DGKB: variants seen among roughly 807,000 people sequenced by gnomAD.
DGKB encodes 90 kDa diacylglycerol kinase.
In DGKB, 67 loss-of-function variants were observed where a neutral mutation model predicts 114.3. The observed-to-expected ratio is 0.59, with a 90% CI of 0.48 to 0.72. DGKB has a LOEUF of 0.72. DGKB is among the 30% of genes least tolerant of loss of function. The pLI is 0.00. For synonymous variants in DGKB, 398 were observed against 323.1 expected (o/e 1.23, Z -2.49); for missense variants, 907 against 975.2 (o/e 0.93, Z 0.93).
At chr7:14,495,865 G>A (rs1563322874) in intron 20 of DGKB, among the ~76,000 whole-genome samples, 1 of 151,738 alleles carries the variant, frequency 6.6e-6, no homozygotes, top group Non-Finnish European at 1.5e-5. Context: ...ATTATTGACA[G>A]AACATTCATT....
chr7:14,596,834 C>A (rs1438033249), intron 17 of DGKB, among the ~76,000 whole-genome samples: 1 of 152,104 alleles, frequency 6.6e-6, no homozygotes, highest in Non-Finnish European at 1.5e-5. Flanking sequence ...CCTCTCTATG[C>A]ATTACTACTG....
intron 21 of DGKB, among the ~76,000 whole-genome samples, chr7:14,389,645 A>G (rs906050804): frequency 1.3e-5 from 2 of 152,228 alleles, no homozygotes; most frequent in African/African-American, 4.8e-5. Context: ...TCTAAGCGAA[A>G]TCAATCAAAA....
At chr7:14,950,996 T>A (rs946677402) in intron 1 of DGKB, among the ~76,000 whole-genome samples, 6 of 151,894 alleles carry the variant, frequency 4.0e-5, no homozygotes, top group African/African-American at 1.5e-4. Flanking sequence ...AGAAAGCATA[T>A]AATCATGTCA....
intron 23 of DGKB, among the ~76,000 whole-genome samples, chr7:14,328,138 C>G (rs898204534): frequency 6.6e-6 from 1 of 152,040 alleles, no homozygotes; most frequent in African/African-American, 2.4e-5. Flanking sequence ...ACAGGATACT[C>G]TGAAAATTTG....
intron 1 of DGKB, among the ~76,000 whole-genome samples, chr7:14,972,978 A>C (rs2115313347): frequency 6.6e-6 from 1 of 152,176 alleles, no homozygotes; most frequent in African/African-American, 2.4e-5. Flanking sequence ...TGCTTGTATT[A>C]TATGATAAAA....
intron 21 of DGKB, among the ~76,000 whole-genome samples, chr7:14,417,141 T>G (rs1209639857): frequency 6.6e-6 from 1 of 152,138 alleles, no homozygotes; most frequent in Admixed American, 6.6e-5. Context: ...TTAAGTTCTC[T>G]GCACCCTGCT....
intron 21 of DGKB, among the ~76,000 whole-genome samples, chr7:14,401,641 A>G (rs1823118525): frequency 6.6e-6 from 1 of 151,894 alleles, no homozygotes; most frequent in Non-Finnish European, 1.5e-5. Context: ...TGTTAGGGGT[A>G]TCAGTGCTTC....
intron 20 of DGKB, among the ~76,000 whole-genome samples, chr7:14,515,319 G>C (rs1284852518): frequency 6.6e-6 from 1 of 152,044 alleles, no homozygotes; most frequent in Non-Finnish European, 1.5e-5. Flanking sequence ...GTGATTATTT[G>C]CCAGGAAAAC....
chr7:14,536,278 A>G (rs1792483877), intron 20 of DGKB, among the ~76,000 whole-genome samples: 1 of 152,170 alleles, frequency 6.6e-6, no homozygotes, highest in African/African-American at 2.4e-5. Context: ...TAGAAGGGAT[A>G]AGGAATACTT....
intron 17 of DGKB, among the ~76,000 whole-genome samples, chr7:14,592,943 G>A (rs76742740): frequency 0.019 from 2,867 of 151,952 alleles, 45 homozygotes; most frequent in Non-Finnish European, 0.027. Context: ...TTCGTTTAGA[G>A]TTTTGAGATA....
At chr7:14,727,347 G>T (rs1488846428) in intron 5 of DGKB, among the ~76,000 whole-genome samples, 1 of 152,038 alleles carries the variant, frequency 6.6e-6, no homozygotes, top group East Asian at 1.9e-4. Flanking sequence ...TCCCTTACTG[G>T]CAGTAATTAT....
chr7:14,220,246 A>C (rs1789707289), intron 23 of DGKB, among the ~76,000 whole-genome samples: 1 of 151,652 alleles, frequency 6.6e-6, no homozygotes, highest in South Asian at 2.1e-4. Flanking sequence ...TTATGGGACC[A>C]CCATTATATA....
chr7:14,563,604 G>A (rs769712049), intron 20 of DGKB, among the ~76,000 whole-genome samples: 2 of 132,954 alleles, frequency 1.5e-5, no homozygotes, highest in Non-Finnish European at 3.2e-5. Context: ...CTTTATAAGA[G>A]TTATTTTAAA....
chr7:14,267,555 C>G (rs957252372), intron 23 of DGKB, among the ~76,000 whole-genome samples: 23 of 151,042 alleles, frequency 1.5e-4, no homozygotes, highest in African/African-American at 4.6e-4. Flanking sequence ...GTGGTGCCAT[C>G]TCGGCTCACT....
chr7:14,664,340 G>T (rs1817662554), intron 13 of DGKB, among the ~76,000 whole-genome samples: 1 of 151,894 alleles, frequency 6.6e-6, no homozygotes, highest in Non-Finnish European at 1.5e-5. Context: ...TATTCACATT[G>T]CAGTCTCCTA....
intron 13 of DGKB, among the ~76,000 whole-genome samples, chr7:14,636,554 T>C (rs1265885608): frequency 6.6e-6 from 1 of 151,862 alleles, no homozygotes; most frequent in Non-Finnish European, 1.5e-5. Flanking sequence ...TACTAGGAAA[T>C]CTGAGTACAT....
chr7:14,915,675 T>G (rs570119486), intron 1 of DGKB, among the ~76,000 whole-genome samples: 1 of 151,968 alleles, frequency 6.6e-6, no homozygotes, highest in South Asian at 2.1e-4. Context: ...ATTTAAAGTG[T>G]GGAAAGAAAA....
At chr7:14,901,526 A>G (rs1783054097) in intron 1 of DGKB, among the ~76,000 whole-genome samples, 1 of 152,006 alleles carries the variant, frequency 6.6e-6, no homozygotes, top group African/African-American at 2.4e-5. Context: ...AAATGTACTA[A>G]TACAGTGTTT....
intron 23 of DGKB, among the ~76,000 whole-genome samples, chr7:14,247,269 G>A (rs543839760): frequency 6.6e-6 from 1 of 152,084 alleles, no homozygotes; most frequent in African/African-American, 2.4e-5. Context: ...CAAATACTAA[G>A]GTTGGTTTCA....
Sources: gnomAD v4.1 joint callset for allele counts (sites outside exome capture counted in the v4.1 genomes callset) on GRCh38, gnomAD v4.1.1 for gene constraint, MANE v1.5 for transcripts, NCBI Gene and HGNC (gene_info 2026-07-23, HGNC 2026-07-21) for gene names.